GUCA2A: variants seen among roughly 807,000 people sequenced by gnomAD.
GUCA2A encodes guanylate cyclase activator 2A.
A neutral mutation model predicts 11.2 loss-of-function variants in GUCA2A; 17 were observed. That is an observed-to-expected ratio of 1.52 (90% CI 1.04 to 2.28). The LOEUF (loss-of-function observed/expected upper bound fraction) is 2.28, where lower values mean the gene tolerates loss of function less well. Among genes scored for constraint, GUCA2A ranks in the 30% most tolerant of loss-of-function variants. The pLI is 0.00. For synonymous variants in GUCA2A, 64 were observed against 57.1 expected (o/e 1.12, Z -0.54); for missense variants, 173 against 139.3 (o/e 1.24, Z -1.22).
intron 1 of GUCA2A, 79 bp downstream of exon 1, chr1:42,164,559 G>T: frequency 1.2e-6 from 1 of 804,480 alleles, no homozygotes. Flanking sequence ...CCCCAAAGAG[G>T]AGGTACTCTC....
rs1646135622 is a variant in GUCA2A at position 42,162,929 on chromosome 1, A to G, written c.325T>C (p.Tyr109His). 6.2e-7 allele frequency: 1 copy of G among 1,613,702 alleles called. No homozygotes were observed. The highest frequency in any genetic ancestry group is 8.5e-7 in the Non-Finnish European group (1 of 1,179,630). ...CCCTAGCATCCGGTACAGGCAGCGT[A>G]GGCACAGATTTCACATGTGCCCGGG... Reference protein sequence around the residue: ...EDPGTCEICAYAACTGC With the variant: ...EDPGTCEICAHAACTGC The change falls in exon 3 of 3, where the codon TAC becomes CAC. Residue 109 changes from tyrosine (Y) to histidine (H), a missense_variant. Physicochemically the swap from Tyr to His is moderately conservative, Grantham distance 83. Transcript: ENST00000357001.
Position 42,162,880 on chromosome 1 carries a change from G to T in GUCA2A, c.*26C>A. On this transcript the variant is annotated 3_prime_UTR_variant, in exon 3 of 3. Coordinates refer to ENST00000357001, the MANE Select transcript of GUCA2A (RefSeq NM_033553.3). The stretch of plus-strand genomic sequence containing the variant: ...AGAAAAGAGCTTCCCTGCTGCGGAG[G>T]GGAGGCAGGCAGTGGGCAAGCCCCC... The T allele has an allele frequency of 6.3e-7, 1 of 1,587,532 alleles. No homozygotes were observed. The highest frequency in any genetic ancestry group is 8.7e-7 in the Non-Finnish European group (1 of 1,156,064).
intron 1 of GUCA2A, among the ~76,000 whole-genome samples, chr1:42,163,943 A>C (rs907650282): frequency 5.3e-5 from 8 of 152,224 alleles, no homozygotes; most frequent in Admixed American, 5.2e-4. Context: ...ACCAGCACCC[A>C]GGCATCGTAG....
Position 42,163,589 on chromosome 1 carries a change from G to A in GUCA2A, c.97C>T (p.Leu33=). The A allele has an allele frequency of 6.2e-7, 1 of 1,612,068 alleles. No homozygotes were observed. Among genetic ancestry groups the A allele is most frequent in the African/African-American group, 1.3e-5 (1 of 74,916 alleles). ...TVQDGNFSFS[L]ESVKKLKDLQ... is the part of the protein sequence containing the mutation. ...TCTTTGAGCTTCTTCACTGACTCCA[G>A]AGAAAAGGAGAAATTTCCATCCTGG... is the stretch of plus-strand genomic sequence containing the variant. Residue 33 remains leucine (L), a synonymous_variant, in exon 2 of 3, where the codon CTG becomes TTG. Transcript: ENST00000357001.
At position 42,163,098 on chromosome 1, in the gene GUCA2A, A is replaced by T. The variant is rs1041899828; in HGVS notation, c.284-128T>A. Reference sequence around the variant, plus strand: ...TCTCAGCAGGCCCGTACTCTGACCTACTGGGCTTTTCGCCCCAAACCAGGG... The same window carrying T: ...TCTCAGCAGGCCCGTACTCTGACCTTCTGGGCTTTTCGCCCCAAACCAGGG... On this transcript the variant is annotated intron_variant, in intron 2 of 2. Transcript: ENST00000357001. 3.2e-5 allele frequency: 24 copies of T among 757,402 alleles called. No homozygotes were observed. In the African/African-American group the frequency reaches 4.0e-4, roughly 13 times the overall value. 46.9% of individuals were successfully genotyped at this position (757,402 alleles called of 1,614,324 possible).
At chr1:42,163,750 G>A (rs1312426919) in intron 1 of GUCA2A, 140 bp from the exon 2 acceptor site, 4 of 622,346 alleles carry the variant, frequency 6.4e-6, no homozygotes, top group Non-Finnish European at 1.1e-5. Context: ...CCACAGTGGG[G>A]CACTGTGAGG....
intron 1 of GUCA2A, among the ~76,000 whole-genome samples, chr1:42,164,332 G>C (rs1368977538): frequency 6.6e-6 from 1 of 152,252 alleles, no homozygotes; most frequent in Admixed American, 6.5e-5. Flanking sequence ...CTTTCTTCCA[G>C]GTTGATAGTG....
rs772908643 is a variant in GUCA2A at position 42,162,906 on chromosome 1, CT to C, written c.347del (p.Ter116TrpfsTer?). ...GGAGGCAGGCAGTGGGCAAGCCCCC[CT>C]AGCATCCGGTACAGGCAGCGTAGGC... is the stretch of plus-strand genomic sequence containing the variant. ...ICAYAACTGC[*>X] On this transcript the variant is annotated frameshift_variant and stop_lost, in exon 3 of 3. Coordinates refer to ENST00000357001, the MANE Select transcript of GUCA2A (RefSeq NM_033553.3). LOFTEE classifies it high-confidence loss of function. The C allele has an allele frequency of 1.3e-5, 21 of 1,612,746 alleles. No homozygotes were observed. Among genetic ancestry groups the C allele is most frequent in the East Asian group, 1.1e-4 (5 of 44,882 alleles).
intron 2 of GUCA2A, 97 bp downstream of exon 2, chr1:42,163,306 C>T: frequency 1.2e-6 from 1 of 809,900 alleles, no homozygotes; most frequent in Non-Finnish European, 2.0e-6. Context: ...GAGCTGAGCC[C>T]TTCCTCCAAA....
chr1:42,163,937 G>C (rs1347903283), intron 1 of GUCA2A, among the ~76,000 whole-genome samples: 1 of 152,246 alleles, frequency 6.6e-6, no homozygotes, highest in Non-Finnish European at 1.5e-5. Context: ...CAAAGGACCA[G>C]CACCCAGGCA....
rs185316252 is a variant in GUCA2A, at chr1:42,163,800, T to G, written c.76-190A>C. ...CCCACGTCCTGGCTTGGCTCCGTGA[T>G]GCTGGACACTCTGGAACCCGCAAAT... On this transcript the variant is annotated intron_variant, in intron 1 of 2. Coordinates refer to ENST00000357001, the MANE Select transcript of GUCA2A (RefSeq NM_033553.3). 5.1e-4 allele frequency among the ~76,000 whole-genome samples: 77 copies of G among 152,352 alleles called. 2 individuals carry two copies. Among genetic ancestry groups the G allele is most frequent in the Non-Finnish European group, 7.3e-5 (5 of 68,036 alleles).
chr1:42,163,013 C>A (rs779157253), intron 2 of GUCA2A, 43 bp from the exon 3 acceptor site: 1 of 1,502,176 alleles, frequency 6.7e-7, no homozygotes, highest in South Asian at 1.1e-5. Flanking sequence ...AGCATTTCCT[C>A]GCGAGGCCCC....
Position 42,163,544 on chromosome 1 carries a change from G to A in GUCA2A, c.142C>T (p.Pro48Ser), listed in dbSNP as rs200135624. 2.7e-5 allele frequency: 44 copies of A among 1,613,158 alleles called. No homozygotes were observed. The highest frequency in any genetic ancestry group is 3.5e-5 in the Non-Finnish European group (41 of 1,179,158). The change falls in exon 2 of 3, where the codon CCC becomes TCC. Residue 48 changes from proline to serine, a missense_variant. Transcript: ENST00000357001. ...AAGTTCCTGAGTTTCCCAACCCTGGGCTCCTGGGGCTCCTGGAGGTCTTTG... is the reference window on the plus strand; with the variant it reads ...AAGTTCCTGAGTTTCCCAACCCTGGACTCCTGGGGCTCCTGGAGGTCTTTG... ...KLKDLQEPQE[P>S]RVGKLRNFAP...
rs201660564 is a variant in GUCA2A, at chr1:42,164,649, C to A, written c.64G>T (p.Val22Phe). 2.6e-6 allele frequency: 4 copies of A among 1,546,680 alleles called. No homozygotes were observed. Among genetic ancestry groups the A allele is most frequent in the Admixed American group, 2.0e-5 (1 of 51,030 alleles). ...LGAWAALAGG[V>F]TVQDGNFSFS... is the part of the protein sequence containing the mutation. ...GACACAGGACTCACCTGCACGGTGA[C>A]CCCTCCTGCCAAGGCGGCCCAGGCC... The change falls in exon 1 of 3, where the codon GTC (valine) becomes TTC (phenylalanine). Residue 22 changes from valine (V) to phenylalanine (F), a missense_variant. Coordinates refer to ENST00000357001, the MANE Select transcript of GUCA2A (RefSeq NM_033553.3).
intron 2 of GUCA2A, 80 bp from the exon 3 acceptor site, chr1:42,163,050 G>C (rs965496530): frequency 9.1e-7 from 1 of 1,099,448 alleles, no homozygotes; most frequent in African/African-American, 1.5e-5. Context: ...GAGCTTGTAC[G>C]TCACCACCCA....
chr1:42,162,914 C>T lies in GUCA2A; in HGVS notation c.340G>A (p.Gly114Arg), dbSNP rs144271570. Residue 114 changes from glycine (G) to arginine (R), a missense_variant, in exon 3 of 3, where the codon GGA (glycine) becomes AGA (arginine). By Grantham distance (125) the Gly-to-Arg change is moderately radical. Coordinates refer to ENST00000357001, the MANE Select transcript of GUCA2A (RefSeq NM_033553.3). ...GCAGTGGGCAAGCCCCCCTAGCATC[C>T]GGTACAGGCAGCGTAGGCACAGATT... ...CEICAYAACT[G>R]C 111 of 1,613,264 alleles carry T rather than the reference C, an allele frequency of 6.9e-5. 2 individuals carry two copies. In the South Asian group the frequency reaches 7.6e-4, roughly 11 times the overall value.
chr1:42,163,497 A>G lies in GUCA2A; in HGVS notation c.189T>C (p.Pro63=). The G allele has an allele frequency of 6.2e-7, 1 of 1,613,458 alleles. No individual in the cohort carries two copies. The highest frequency in any genetic ancestry group is 8.5e-7 in the Non-Finnish European group (1 of 1,179,362). The change falls in exon 2 of 3, where the codon CCT becomes CCC. Residue 63 remains proline (P), a synonymous_variant. Transcript: ENST00000357001. ...GGTTGCTACAGAGGATGGGAACCAC[A>G]GGTTCACCAGGGATGGGTGCAAAGT... ...LRNFAPIPGE[P]VVPILCSNPN... is the part of the protein sequence containing the mutation.
rs1646138682 is a variant in GUCA2A at position 42,163,439 on chromosome 1, T to C, written c.247A>G (p.Lys83Glu). 2.5e-6 allele frequency: 4 copies of C among 1,613,942 alleles called. No homozygotes were observed. In the East Asian group the frequency reaches 6.7e-5, roughly 27 times the overall value. ...AGTATCTCCTGGGCATTGGGCTCCT[T>C]GCAGAGAGGCTTGAGTTCTTCTGGA... is the stretch of plus-strand genomic sequence containing the variant. ...NFPEELKPLCKEPNAQEILQR... is the reference protein window; with the variant it reads ...NFPEELKPLCEEPNAQEILQR... Residue 83 changes from lysine to glutamate, a missense_variant, in exon 2 of 3, where the codon AAG becomes GAG. By Grantham distance (56) the Lys-to-Glu change is moderately conservative. Coordinates refer to ENST00000357001, the MANE Select transcript of GUCA2A (RefSeq NM_033553.3).
Position 42,162,810 on chromosome 1 carries a change from T to G in GUCA2A, c.*96A>C. 11 of 1,012,022 alleles carry G rather than the reference T, an allele frequency of 1.1e-5. No homozygotes were observed. Among genetic ancestry groups the G allele is most frequent in the Non-Finnish European group, 1.4e-5 (9 of 638,300 alleles). The allele number at this position is 1,012,022 out of a possible 1,614,324, so 62.7% of individuals were successfully genotyped here. On this transcript the variant is annotated 3_prime_UTR_variant, in exon 3 of 3. Coordinates refer to ENST00000357001, the MANE Select transcript of GUCA2A (RefSeq NM_033553.3). ...CTCCTCCCGACTGGACCAGGGTAGG[T>G]TGAGCTGCTGGGAGTGGAGTATCAT...
Sources: gnomAD v4.1 joint callset for allele counts (sites outside exome capture counted in the v4.1 genomes callset) on GRCh38, gnomAD v4.1.1 for gene constraint, MANE v1.5 for transcripts, NCBI Gene and HGNC (gene_info 2026-07-23, HGNC 2026-07-21) for gene names.